PCDHGA4: variants seen among roughly 807,000 people sequenced by gnomAD.
PCDHGA4 encodes protocadherin gamma subfamily A, 4, also known as protocadherin gamma-A4.
In PCDHGA4, 38 loss-of-function variants were observed where a neutral mutation model predicts 54.6. The ratio of observed to expected loss-of-function variants is 0.70; its 90% CI spans 0.54 to 0.91. PCDHGA4 has a LOEUF of 0.91. PCDHGA4 is among the 40% of genes least tolerant of loss of function. PCDHGA4 has a pLI of 0.00. For synonymous variants in PCDHGA4, 511 were observed against 512.9 expected, an observed-to-expected ratio of 1.00 and a Z score of 0.05; for missense variants, 1,298 against 1,220.9, an observed-to-expected ratio of 1.06 and a Z score of -0.94.
At chr5:141,466,929 T>C (rs2099132302) in intron 1 of PCDHGA4, among the ~76,000 whole-genome samples, 1 of 152,232 alleles carries the variant, frequency 6.6e-6, no homozygotes, top group African/African-American at 2.4e-5. Context: ...TTAGGAATAT[T>C]AGTCCTTTGT....
intron 1 of PCDHGA4, chr5:141,478,354 C>T (rs141625672): frequency 1.2e-6 from 2 of 1,613,778 alleles, no homozygotes; most frequent in Non-Finnish European, 8.5e-7. Context: ...ACGCGGACGC[C>T]GTGCGGGGAG....
chr5:141,366,410 G>A, intron 1 of PCDHGA4: 1 of 1,614,204 alleles, frequency 6.2e-7, no homozygotes, highest in Non-Finnish European at 8.5e-7. Context: ...ACTCTATCTT[G>A]TGGTGGCAGT....
chr5:141,370,215 C>T (rs1430823989), intron 1 of PCDHGA4: 3 of 566,618 alleles, frequency 5.3e-6, no homozygotes, highest in East Asian at 5.9e-5. Flanking sequence ...TTGGCTCCTC[C>T]CGCTGCAGCC....
Position 141,422,964 on chromosome 5 carries a change from G to C in PCDHGA4, c.2514+65343G>C, listed in dbSNP as rs375881737. 1.0e-4 allele frequency: 161 copies of C among 1,614,190 alleles called. No individual in the cohort carries two copies. In the African/African-American group the frequency reaches 1.9e-3, roughly 20 times the overall value. ...ACGGCTCCACTGGCGTGGAGCTGGC[G>C]CCCCGCTCTGCGGAACCTGGCTACC... On this transcript the variant is annotated intron_variant, in intron 1 of 3. Coordinates refer to ENST00000571252, the MANE Select transcript of PCDHGA4 (RefSeq NM_018917.4).
chr5:141,391,354 T>C (rs1345659874), intron 1 of PCDHGA4: 3 of 150,784 alleles, frequency 2.0e-5, no homozygotes, highest in Non-Finnish European at 3.0e-5. Flanking sequence ...TGTCTGTTAC[T>C]CAGGCTGTAG....
intron 1 of PCDHGA4, chr5:141,365,282 G>A: frequency 6.2e-7 from 1 of 1,613,998 alleles, no homozygotes; most frequent in South Asian, 1.1e-5. Context: ...CTACCTCATG[G>A]AAGTGGTAGC....
At chr5:141,365,445 A>G (rs774993961) in intron 1 of PCDHGA4, 3 of 1,613,936 alleles carry the variant, frequency 1.9e-6, no homozygotes, top group Non-Finnish European at 2.5e-6. Flanking sequence ...TTTAGCGTAC[A>G]TGATGGTGAT....
intron 1 of PCDHGA4, chr5:141,402,981 G>A (rs375892904): frequency 1.2e-6 from 2 of 1,608,410 alleles, no homozygotes; most frequent in Non-Finnish European, 1.7e-6. Flanking sequence ...TGCCAGCTCC[G>A]CGGAAGATTA....
chr5:141,427,491 G>A (rs1158414276), intron 1 of PCDHGA4: 1 of 553,626 alleles, frequency 1.8e-6, no homozygotes, highest in Non-Finnish European at 3.4e-6. Context: ...CTATAAGCTT[G>A]TAACAGATGG....
intron 1 of PCDHGA4, among the ~76,000 whole-genome samples, chr5:141,373,018 T>C (rs200877775): frequency 1.8e-4 from 27 of 152,226 alleles, no homozygotes; most frequent in Non-Finnish European, 1.5e-4. Context: ...CTCCTTTTGA[T>C]AGTCTTGAAA....
At chr5:141,414,336 C>T (rs567878158) in intron 1 of PCDHGA4, 3 of 1,613,846 alleles carry the variant, frequency 1.9e-6, no homozygotes, top group East Asian at 2.2e-5. Flanking sequence ...GACAGGTAAC[C>T]TGTTCCATTT....
In PCDHGA4 at chr5:141,476,868, C is replaced by G. The variant is rs1213404395; in HGVS notation, c.2515-17939C>G. On this transcript the variant is annotated intron_variant, in intron 1 of 3. Transcript: ENST00000571252. This position sits in a 1 kb window ranked among gnomAD's most constrained non-coding sequence, Gnocchi z 7.6. Reference sequence around the variant, plus strand: ...GTCTTCAACCAGTCCTTGTACCGGGCGCGCGTCCTGGAGGATGCACCCTCC... The same window carrying G: ...GTCTTCAACCAGTCCTTGTACCGGGGGCGCGTCCTGGAGGATGCACCCTCC... 2.5e-6 allele frequency: 4 copies of G among 1,613,874 alleles called. No homozygotes were observed. Among genetic ancestry groups the G allele is most frequent in the Non-Finnish European group, 3.4e-6 (4 of 1,180,050 alleles).
At position 141,493,904 on chromosome 5, in the gene PCDHGA4, G is replaced by A. The variant is rs1204744465; in HGVS notation, c.2515-903G>A. Among the ~76,000 whole-genome samples, 1 of 152,216 alleles carries A rather than the reference G, an allele frequency of 6.6e-6. No individual in the cohort carries two copies. Among genetic ancestry groups the A allele is most frequent in the Non-Finnish European group, 1.5e-5 (1 of 68,028 alleles). On this transcript the variant is annotated intron_variant, in intron 1 of 3. Transcript: ENST00000571252. The surrounding 1 kb of genome is among the most constrained non-coding windows in gnomAD (Gnocchi z 4.3). ...GGCTCTAGGAGTGCTCCATGAGAGT[G>A]TGTGATGGGATAACACACCCCCTGG...
intron 1 of PCDHGA4, chr5:141,370,337 G>A: frequency 6.9e-7 from 1 of 1,448,610 alleles, no homozygotes; most frequent in Non-Finnish European, 9.3e-7. Context: ...AGAACTCTTG[G>A]GATTATTTAA....
intron 1 of PCDHGA4, chr5:141,409,549 C>T: frequency 6.2e-7 from 1 of 1,614,004 alleles, no homozygotes; most frequent in Non-Finnish European, 8.5e-7. Context: ...ACGACAACGC[C>T]CCAGTTTTCG....
Position 141,477,707 on chromosome 5 carries a change from C to T in PCDHGA4, c.2515-17100C>T. ...AGTGCCCCTAGACTATGAGGATCGG[C>T]GGGAATTTGAATTAACAGCTCATAT... On this transcript the variant is annotated intron_variant, in intron 1 of 3. Transcript: ENST00000571252. The surrounding 1 kb of genome is among the most constrained non-coding windows in gnomAD (Gnocchi z 4.9). 6.2e-7 allele frequency: 1 copy of T among 1,613,952 alleles called. No individual in the cohort carries two copies. Among genetic ancestry groups the T allele is most frequent in the South Asian group, 1.1e-5 (1 of 91,086 alleles).
intron 1 of PCDHGA4, chr5:141,389,586 G>T: frequency 6.2e-7 from 1 of 1,613,166 alleles, no homozygotes; most frequent in Non-Finnish European, 8.5e-7. Context: ...GCTGGGTCCC[G>T]ACGGCTCTGC....
chr5:141,472,200 C>A (rs2099274166), intron 1 of PCDHGA4, among the ~76,000 whole-genome samples: 1 of 152,110 alleles, frequency 6.6e-6, no homozygotes, highest in Non-Finnish European at 1.5e-5. Flanking sequence ...ATCTTTTTGA[C>A]ACTAAGACCT....
rs184178455 is a variant in PCDHGA4 at position 141,428,574 on chromosome 5, T to C, written c.2515-66233T>C. ...CAGTCCCCCCACAAGATCTTTCTAA[T>C]GAAGTTTCTCTGGTAGCAAGCTTCA... is the stretch of plus-strand genomic sequence containing the variant. On this transcript the variant is annotated intron_variant, in intron 1 of 3. Transcript: ENST00000571252. 1.8e-3 allele frequency: 416 copies of C among 229,070 alleles called. 3 individuals are homozygous for C. The highest frequency in any genetic ancestry group is 2.8e-3 in the Non-Finnish European group (314 of 113,918). The allele number at this position is 229,070 out of a possible 1,614,324, so 14.2% of individuals were successfully genotyped here. A position where few individuals can be genotyped will look rare whatever the true frequency, so the allele number is the denominator to read the frequency against.
Sources: gnomAD v4.1 joint callset for allele counts (sites outside exome capture counted in the v4.1 genomes callset) on GRCh38, gnomAD v4.1.1 for gene constraint, Gnocchi (gnomAD v3.1) non-coding constraint, MANE v1.5 for transcripts, NCBI Gene and HGNC (gene_info 2026-07-23, HGNC 2026-07-21) for gene names.